EPHA6: variants seen among roughly 807,000 people sequenced by gnomAD.
EPHA6 encodes the protein EPH receptor A6.
Under a neutral mutation model 112.0 loss-of-function variants are expected in EPHA6, and 50 were observed. The observed-to-expected ratio is 0.45, with a 90% CI of 0.36 to 0.56. The LOEUF (loss-of-function observed/expected upper bound fraction) is 0.56. Ranked by LOEUF, EPHA6 falls within the 20% of genes least tolerant of loss-of-function variation. EPHA6 has a pLI of 0.00. For synonymous variants in EPHA6, 529 were observed against 490.7 expected (o/e 1.08, Z -1.03); for missense variants, 1,280 against 1,417.4 (o/e 0.90, Z 1.56).
chr3:97,108,734 C>T (rs999213968), intron 3 of EPHA6, among the ~76,000 whole-genome samples: 1 of 152,254 alleles, frequency 6.6e-6, no homozygotes, highest in Middle Eastern at 3.4e-3. Flanking sequence ...TAAACATTAA[C>T]AAGCTAGGAC....
intron 2 of EPHA6, among the ~76,000 whole-genome samples, chr3:96,974,277 GTTTA>G (rs1259841085): frequency 1.0e-4 from 15 of 148,714 alleles, no homozygotes; most frequent in South Asian, 2.1e-4. Flanking sequence ...TTTTGGCCTA[GTTTA>G]TTTAGCTTGC....
chr3:97,646,232 G>A (rs1038222507), intron 14 of EPHA6: 12 of 1,535,408 alleles, frequency 7.8e-6, no homozygotes, highest in African/African-American at 2.7e-5. Context: ...TGGTCCTCAT[G>A]TGGAAGAGAA....
rs114109537 is a variant in EPHA6, at chr3:97,107,305, C to T, written c.1115-118959C>T. On this transcript the variant is annotated intron_variant, in intron 3 of 17. Transcript: ENST00000389672. ...GAAGAGCTGTTTGCATTTTCATCGG[C>T]CTTCTTAAACTAGCTTTATACCTGG... is the stretch of plus-strand genomic sequence containing the variant. Among the ~76,000 whole-genome samples the T allele has an allele frequency of 3.1e-3, 465 of 152,084 alleles. 3 individuals carry two copies. Among genetic ancestry groups the T allele is most frequent in the African/African-American group, 0.01 (423 of 41,500 alleles).
At chr3:97,374,300 C>T (rs2085223970) in intron 5 of EPHA6, among the ~76,000 whole-genome samples, 1 of 152,072 alleles carries the variant, frequency 6.6e-6, no homozygotes, top group Admixed American at 6.6e-5. Context: ...TCATCTTTAA[C>T]ACTCACACCC....
chr3:97,641,780 G>A (rs2107575240), intron 14 of EPHA6, among the ~76,000 whole-genome samples: 1 of 152,362 alleles, frequency 6.6e-6, no homozygotes, highest in East Asian at 1.9e-4. Flanking sequence ...ACCTGGCTCA[G>A]AGGGTCCTAT....
intron 11 of EPHA6, among the ~76,000 whole-genome samples, chr3:97,573,994 C>A (rs2093358725): frequency 6.6e-6 from 1 of 152,064 alleles, no homozygotes; most frequent in Admixed American, 6.5e-5. Flanking sequence ...AGATCCCTTG[C>A]TTGAATGATA....
At position 97,160,636 on chromosome 3, in the gene EPHA6, A is replaced by T. The variant is rs575222455; in HGVS notation, c.1115-65628A>T. Among the ~76,000 whole-genome samples the T allele has an allele frequency of 2.0e-5, 3 of 152,034 alleles. No homozygotes were observed. The South Asian group carries it at 6.2e-4, about 32-fold the overall frequency. On this transcript the variant is annotated intron_variant, in intron 3 of 17. Transcript: ENST00000389672. ...GTCTATCCACATGCATCTTCCTTAG[A>T]TTTCCCTGTCACCAATTTCCCTGTT...
At chr3:97,688,958 G>GTA in intron 14 of EPHA6, among the ~76,000 whole-genome samples, 1 of 152,158 alleles carries the variant, frequency 6.6e-6, no homozygotes, top group South Asian at 2.1e-4. Flanking sequence ...TAAACCAAAT[G>GTA]TATAGATTAT....
intron 5 of EPHA6, among the ~76,000 whole-genome samples, chr3:97,259,447 C>A (rs2079425900): frequency 6.6e-6 from 1 of 152,086 alleles, no homozygotes; most frequent in Non-Finnish European, 1.5e-5. Flanking sequence ...GTGTATTCTT[C>A]ATTTCATCAC....
At chr3:97,525,015 G>A (rs1438433715) in intron 10 of EPHA6, among the ~76,000 whole-genome samples, 2 of 151,898 alleles carry the variant, frequency 1.3e-5, no homozygotes, top group African/African-American at 4.8e-5. Context: ...GTCCTTTGAG[G>A]TTCCTGAATC....
chr3:96,935,394 G>C (rs959327266), intron 2 of EPHA6, among the ~76,000 whole-genome samples: 7 of 150,824 alleles, frequency 4.6e-5, no homozygotes, highest in Admixed American at 4.0e-4. Context: ...ATTTAATTTT[G>C]GTTAAACATT....
intron 2 of EPHA6, among the ~76,000 whole-genome samples, chr3:96,962,692 A>ATT (rs1194011723): frequency 1.3e-5 from 2 of 151,410 alleles, no homozygotes; most frequent in African/African-American, 4.9e-5. Context: ...AAACAGCCTT[A>ATT]TATAAAGAGA....
chr3:96,836,179 G>A (rs954803762), intron 1 of EPHA6, among the ~76,000 whole-genome samples: 1 of 151,724 alleles, frequency 6.6e-6, no homozygotes, highest in African/African-American at 2.4e-5. Context: ...CACTTTTCTT[G>A]GCATCATACT....
rs116688136 is a variant in EPHA6 at position 96,961,018 on chromosome 3, C to G, written c.451-26312C>G. Among the ~76,000 whole-genome samples the G allele has an allele frequency of 6.2e-3, 950 of 152,266 alleles. 7 individuals are homozygous for G. Among genetic ancestry groups the G allele is most frequent in the African/African-American group, 0.021 (889 of 41,558 alleles). Reference sequence around the variant, plus strand: ...TTTTGATGAATAATCCCTTCCCTTACAATGAAGGGAGAAAACTTGTATAGC... The same window carrying G: ...TTTTGATGAATAATCCCTTCCCTTAGAATGAAGGGAGAAAACTTGTATAGC... On this transcript the variant is annotated intron_variant, in intron 2 of 17. Coordinates refer to ENST00000389672, the MANE Select transcript of EPHA6 (RefSeq NM_001080448.3).
At chr3:97,328,339 T>C (rs1203792018) in intron 5 of EPHA6, among the ~76,000 whole-genome samples, 2 of 151,902 alleles carry the variant, frequency 1.3e-5, no homozygotes, top group Non-Finnish European at 2.9e-5. Flanking sequence ...TGTGATTCAG[T>C]TTTGCTGCAT....
intron 2 of EPHA6, among the ~76,000 whole-genome samples, chr3:96,946,894 G>A (rs1396812289): frequency 2.0e-5 from 3 of 152,164 alleles, no homozygotes; most frequent in Admixed American, 2.0e-4. Context: ...ATATCTCACT[G>A]TGGTTTTGCT....
At chr3:96,817,194 AATT>A (rs2032863348) in intron 1 of EPHA6, among the ~76,000 whole-genome samples, 3 of 151,970 alleles carry the variant, frequency 2.0e-5, no homozygotes, top group Non-Finnish European at 2.9e-5. Flanking sequence ...ATCAGACACA[AATT>A]ATTACTTATA....
At chr3:97,328,008 T>TCACACACACAC (rs2082548940) in intron 5 of EPHA6, among the ~76,000 whole-genome samples, 1 of 135,698 alleles carries the variant, frequency 7.4e-6, no homozygotes, top group African/African-American at 3.1e-5. Flanking sequence ...TATGTATATG[T>TCACACACACAC]ATATGTGTAT....
chr3:97,573,053 G>A (rs1383035972), intron 11 of EPHA6, among the ~76,000 whole-genome samples: 1 of 152,076 alleles, frequency 6.6e-6, no homozygotes, highest in African/African-American at 2.4e-5. Flanking sequence ...ATCACTATAT[G>A]TATGACACTC....
Sources: gnomAD v4.1 joint callset for allele counts (sites outside exome capture counted in the v4.1 genomes callset) on GRCh38, gnomAD v4.1.1 for gene constraint, MANE v1.5 for transcripts, NCBI Gene and HGNC (gene_info 2026-07-23, HGNC 2026-07-21) for gene names.